The following TAF4 variants were observed in gnomAD, a reference collection of about 807,000 sequenced individuals.
TAF4 encodes transcription initiation factor TFIID subunit 4.
In TAF4, 9 loss-of-function variants were observed where a neutral mutation model predicts 90.3. That is an observed-to-expected ratio of 0.10 (90% confidence interval 0.06 to 0.17). The LOEUF is 0.17. Ranked by LOEUF, TAF4 falls within the 10% of genes least tolerant of loss-of-function variation. The pLI is 1.00. For synonymous variants in TAF4, 818 were observed against 638.9 expected (o/e 1.28, Z -4.23); for missense variants, 1,351 against 1,370.7 (o/e 0.99, Z 0.23).
chr20:62,065,312 C>T lies in TAF4; in HGVS notation c.499G>A (p.Ala167Thr), dbSNP rs2056123195. The change falls in exon 1 of 15, where the codon GCC (alanine) becomes ACC (threonine). Residue 167 changes from alanine (A) to threonine (T), a missense_variant. This residue lies in a region of TAF4 where 782 missense variants were observed against 536.6 expected (regional missense o/e 1.46). Coordinates refer to ENST00000252996, the MANE Select transcript of TAF4 (RefSeq NM_003185.4). Reference protein sequence around the residue: ...PAKPAGPAALAARAGPGPGPG... With the variant: ...PAKPAGPAALTARAGPGPGPG... ...CCGGGGCCGGGGCCGGCGCGGGCGG[C>T]CAGCGCGGCGGGGCCGGCGGGCTTG... 3.3e-6 allele frequency: 3 copies of T among 914,852 alleles called. No homozygotes were observed. Among genetic ancestry groups the T allele is most frequent in the African/African-American group, 3.9e-5 (2 of 51,040 alleles). 56.7% of individuals were successfully genotyped at this position (914,852 alleles called of 1,614,324 possible). A position where few individuals can be genotyped will look rare whatever the true frequency, so the allele number is the denominator to read the frequency against.
chr20:61,985,116 CAT>C (rs34504653), intron 14 of TAF4, among the ~76,000 whole-genome samples: 72,552 of 144,794 alleles, frequency 0.5, 18,808 homozygotes, highest in Middle Eastern at 0.66. Flanking sequence ...CTCTCCGGAC[CAT>C]GGCAACGCTC....
chr20:61,998,934 G>A (rs1194751488), intron 12 of TAF4, 49 bp downstream of exon 12: 1 of 1,602,222 alleles, frequency 6.2e-7, no homozygotes, highest in South Asian at 1.1e-5. Context: ...ATCAGGTTGT[G>A]GCTGAGACGG....
intron 1 of TAF4, chr20:62,064,169 C>T: frequency 5.5e-6 from 2 of 361,410 alleles, no homozygotes; most frequent in East Asian, 8.3e-5. Context: ...ACTAAGAGTC[C>T]TGGCTGAGCC....
At position 62,012,805 on chromosome 20, in the gene TAF4, GC is replaced by G. The variant is rs2055787092; in HGVS notation, c.1641+9del. ...TGCAGCCTCAAGAGATCCGCCGCCTGCCCTCTCACCTGGACGCCGGGCGAGC... is the reference window on the plus strand; with the variant it reads ...TGCAGCCTCAAGAGATCCGCCGCCTGCCTCTCACCTGGACGCCGGGCGAGC... On this transcript the variant is annotated intron_variant, in intron 3 of 14. Coordinates refer to ENST00000252996, the MANE Select transcript of TAF4 (RefSeq NM_003185.4). 2.5e-6 allele frequency: 4 copies of G among 1,607,082 alleles called. No individual in the cohort carries two copies. Among genetic ancestry groups the G allele is most frequent in the Non-Finnish European group, 3.4e-6 (4 of 1,177,918 alleles).
In TAF4 at chr20:61,976,324, G is replaced by A. The variant is rs201002302; in HGVS notation, c.3102C>T (p.Pro1034=). The change falls in exon 15 of 15, where the codon CCC becomes CCT. Residue 1034 remains proline (P), a synonymous_variant. Coordinates refer to ENST00000252996, the MANE Select transcript of TAF4 (RefSeq NM_003185.4). ...GPGSGAEGSG[P]GSVVPGSSGV... ...CCGAGCTGCCTGGGACCACTGAGCC[G>A]GGGCCCGACCCCTGGTGATGAAAAA... The A allele has an allele frequency of 2.3e-4, 364 of 1,613,410 alleles. No homozygotes were observed. Among genetic ancestry groups the A allele is most frequent in the Non-Finnish European group, 2.9e-4 (343 of 1,179,994 alleles).
chr20:62,051,226 C>T (rs116497236), intron 1 of TAF4, among the ~76,000 whole-genome samples: 4,149 of 152,268 alleles, frequency 0.027, 200 homozygotes, highest in African/African-American at 0.095. Flanking sequence ...GGGAGGGTTC[C>T]AGCGAGGCCC....
intron 12 of TAF4, 44 bp from the exon 13 acceptor site, chr20:61,998,236 A>ATCATTATCATGAACT: frequency 6.3e-7 from 1 of 1,578,234 alleles, no homozygotes; most frequent in Non-Finnish European, 8.7e-7. Flanking sequence ...TTATGAACTA[A>ATCATTATCATGAACT]ATGTTTATCA....
chr20:62,018,239 G>A (rs1416526626), intron 1 of TAF4, among the ~76,000 whole-genome samples: 2 of 152,318 alleles, frequency 1.3e-5, no homozygotes, highest in East Asian at 3.9e-4. Context: ...CCTGGTTATT[G>A]TATCACAGCC....
intron 1 of TAF4, among the ~76,000 whole-genome samples, chr20:62,049,879 C>T (rs1265810755): frequency 2.0e-5 from 3 of 152,100 alleles, no homozygotes; most frequent in East Asian, 1.9e-4. Flanking sequence ...AGACTAAACA[C>T]GGTGCCAGAG....
intron 14 of TAF4, among the ~76,000 whole-genome samples, chr20:61,996,795 C>CAAAAAA (rs752885979): frequency 1.3e-5 from 1 of 79,186 alleles, no homozygotes; most frequent in African/African-American, 4.6e-5. Context: ...AAGACTGTCT[C>CAAAAAA]AAAAAAAAAA....
At chr20:62,027,279 C>G (rs1398093847) in intron 1 of TAF4, among the ~76,000 whole-genome samples, 3 of 152,192 alleles carry the variant, frequency 2.0e-5, no homozygotes, top group African/African-American at 7.2e-5. Flanking sequence ...GAGCAAGGTG[C>G]AAACCCTAAA....
chr20:62,057,510 T>C (rs6089634), intron 1 of TAF4, among the ~76,000 whole-genome samples: 106,257 of 152,188 alleles, frequency 0.7, 37,300 homozygotes, highest in Middle Eastern at 0.8. Flanking sequence ...CCTACCTGGC[T>C]ACGCTCCTCT....
At chr20:62,012,712 A>G (rs2055786217) in intron 3 of TAF4, 103 bp downstream of exon 3, 2 of 1,351,120 alleles carry the variant, frequency 1.5e-6, no homozygotes. Flanking sequence ...CGTAGTATCC[A>G]GTTTAAAAAA....
At chr20:62,000,774 G>A (rs2281733) in intron 9 of TAF4, 53 bp from the exon 10 acceptor site, 180,562 of 1,597,376 alleles carry the variant, frequency 0.11, 14,004 homozygotes, top group East Asian at 0.45. Flanking sequence ...TCATCGGGAG[G>A]TGGGCTGGGG....
At chr20:62,048,375 T>C (rs943085766) in intron 1 of TAF4, among the ~76,000 whole-genome samples, 1 of 152,076 alleles carries the variant, frequency 6.6e-6, no homozygotes, top group Non-Finnish European at 1.5e-5. Flanking sequence ...TGCAGAGCAG[T>C]GAGGACAACC....
chr20:62,036,694 C>T (rs2055934433), intron 1 of TAF4, among the ~76,000 whole-genome samples: 1 of 152,132 alleles, frequency 6.6e-6, no homozygotes, highest in Admixed American at 6.5e-5. Flanking sequence ...AAAGAAAAAC[C>T]ATACAAGCAT....
intron 1 of TAF4, among the ~76,000 whole-genome samples, chr20:62,021,863 C>A (rs1170123642): frequency 6.6e-6 from 1 of 152,132 alleles, no homozygotes. Context: ...AAAAAGACAG[C>A]CGGCACCTCA....
intron 1 of TAF4, among the ~76,000 whole-genome samples, chr20:62,029,672 C>T (rs1380173545): frequency 6.6e-6 from 1 of 152,142 alleles, no homozygotes; most frequent in Non-Finnish European, 1.5e-5. Flanking sequence ...CTCTGGGAGG[C>T]CGAGGCAGGC....
At chr20:62,036,570 G>A (rs534668445) in intron 1 of TAF4, among the ~76,000 whole-genome samples, 1 of 152,302 alleles carries the variant, frequency 6.6e-6, no homozygotes, top group Non-Finnish European at 1.5e-5. Flanking sequence ...CAAACTGCAT[G>A]CAACTGTATA....
Sources: gnomAD v4.1 joint callset for allele counts (sites outside exome capture counted in the v4.1 genomes callset) on GRCh38, gnomAD v4.1.1 for gene constraint, gnomAD v4.1.1 regional missense constraint, MANE v1.5 for transcripts, NCBI Gene and HGNC (gene_info 2026-07-23, HGNC 2026-07-21) for gene names.